Variants in USP15 observed in about 807,000 individuals in gnomAD.
USP15 encodes ubiquitin carboxyl-terminal hydrolase 15.
Under a neutral mutation model 127.1 loss-of-function variants are expected in USP15, and 18 were observed. That is an observed-to-expected ratio of 0.14 (90% confidence interval 0.10 to 0.21). The LOEUF (loss-of-function observed/expected upper bound fraction) is 0.21, where lower values mean the gene tolerates loss of function less well. Among genes scored for constraint, USP15 ranks in the 10% least tolerant of loss-of-function variants. The pLI is 1.00. For synonymous variants in USP15, 364 were observed against 393.7 expected, an observed-to-expected ratio of 0.92 and a Z score of 0.89; for missense variants, 805 against 1,159.9, an observed-to-expected ratio of 0.69 and a Z score of 4.44.
At chr12:62,399,763 ATTG>A (rs2137660654) in intron 20 of USP15, among the ~76,000 whole-genome samples, 1 of 152,300 alleles carries the variant, frequency 6.6e-6, no homozygotes, top group East Asian at 1.9e-4. Flanking sequence ...ACTCAGTAAA[ATTG>A]TTAACCAAAC....
At position 62,411,541 on chromosome 12, in the gene USP15, TTG is replaced by T. The variant is rs2068041360; in HGVS notation, c.*7168_*7169del. 6.6e-6 allele frequency: 1 copy of T among 152,182 alleles called. No individual in the cohort carries two copies. The highest frequency in any genetic ancestry group is 1.5e-5 in the Non-Finnish European group (1 of 68,026). 9.4% of individuals were successfully genotyped at this position (152,182 alleles called of 1,614,324 possible). On this transcript the variant is annotated 3_prime_UTR_variant, in exon 22 of 22. Transcript: ENST00000280377. ...TTGCCTTCAGCTGACATGAATTATGTTGTCTTTTTGTTTTTTGGTCCAGTTTC... is the reference window on the plus strand; with the variant it reads ...TTGCCTTCAGCTGACATGAATTATGTTCTTTTTGTTTTTTGGTCCAGTTTC...
intron 3 of USP15, among the ~76,000 whole-genome samples, chr12:62,311,555 A>C (rs866391124): frequency 6.6e-6 from 1 of 151,776 alleles, no homozygotes; most frequent in Non-Finnish European, 1.5e-5. Flanking sequence ...ATATACAAAA[A>C]TAGATTGATG....
At chr12:62,390,817 T>C (rs1460248427) in intron 14 of USP15, 47 bp from the exon 15 acceptor site, 2 of 1,407,216 alleles carry the variant, frequency 1.4e-6, no homozygotes, top group Non-Finnish European at 2.0e-6. Context: ...TTTAAAAGTT[T>C]TTATCTTTGT....
At chr12:62,265,097 T>C (rs2063161719) in intron 1 of USP15, among the ~76,000 whole-genome samples, 1 of 152,218 alleles carries the variant, frequency 6.6e-6, no homozygotes, top group Non-Finnish European at 1.5e-5. Flanking sequence ...CCAGGGTTAA[T>C]GTACCCTAAT....
chr12:62,393,857 C>G (rs1382560176), intron 19 of USP15: 1 of 152,334 alleles, frequency 6.6e-6, no homozygotes, highest in Non-Finnish European at 1.5e-5. Context: ...GCTGGGATTA[C>G]AGGCATGAGC....
At chr12:62,313,343 A>G (rs2064739202) in intron 3 of USP15, among the ~76,000 whole-genome samples, 1 of 151,616 alleles carries the variant, frequency 6.6e-6, no homozygotes, top group African/African-American at 2.4e-5. Context: ...CTCAATATAA[A>G]TCATAATGGG....
chr12:62,283,984 AGC>A (rs1191967034), intron 1 of USP15, among the ~76,000 whole-genome samples: 2 of 152,186 alleles, frequency 1.3e-5, no homozygotes, highest in African/African-American at 4.8e-5. Flanking sequence ...ATCAACTACA[AGC>A]AGTTATAGAA....
intron 6 of USP15, chr12:62,335,908 G>A (rs1259814816): frequency 1.0e-6 from 1 of 985,200 alleles, no homozygotes; most frequent in African/African-American, 1.7e-5. Context: ...TTATGCCAAG[G>A]ACTTTGCCTC....
At chr12:62,370,757 A>C (rs2066638235) in intron 8 of USP15, among the ~76,000 whole-genome samples, 1 of 152,056 alleles carries the variant, frequency 6.6e-6, no homozygotes, top group South Asian at 2.1e-4. Flanking sequence ...CCTCATCCGT[A>C]ATTCTCTCTT....
chr12:62,402,044 C>G (rs1419753067), intron 21 of USP15, among the ~76,000 whole-genome samples: 2 of 151,302 alleles, frequency 1.3e-5, no homozygotes, highest in Non-Finnish European at 3.0e-5. Flanking sequence ...ATTTAAACTC[C>G]TAATTTTTTT....
chr12:62,292,183 C>T (rs1274025534), intron 1 of USP15, among the ~76,000 whole-genome samples: 3 of 152,106 alleles, frequency 2.0e-5, no homozygotes, highest in African/African-American at 4.8e-5. Flanking sequence ...TGTCTTAGCA[C>T]CCTGGCCTCA....
intron 19 of USP15, among the ~76,000 whole-genome samples, chr12:62,395,990 G>C (rs918668335): frequency 6.6e-6 from 1 of 151,934 alleles, no homozygotes; most frequent in Non-Finnish European, 1.5e-5. Flanking sequence ...TGTGACCATT[G>C]CTGCGACAAA....
intron 1 of USP15, among the ~76,000 whole-genome samples, chr12:62,264,958 G>A (rs2063159538): frequency 6.6e-6 from 1 of 152,076 alleles, no homozygotes; most frequent in African/African-American, 2.4e-5. Context: ...TGGTAAATTG[G>A]TGAAAACAAG....
Position 62,376,172 on chromosome 12 carries a change from T to C in USP15, c.916-5318T>C, listed in dbSNP as rs548515051. Among the ~76,000 whole-genome samples, 13 of 129,708 alleles carry C rather than the reference T, an allele frequency of 1.0e-4. No individual in the cohort carries two copies. The South Asian group carries it at 3.0e-3, about 30-fold the overall frequency. The allele number at this position is 129,708 out of a possible 152,430, so 85.1% of individuals were successfully genotyped here. A position where few individuals can be genotyped will look rare whatever the true frequency, so the allele number is the denominator to read the frequency against. ...AAATTTTCAAATGCTGTTGTCAGTTTTGTGTGCTAATAACTTACATAGGAG... is the reference window on the plus strand; with the variant it reads ...AAATTTTCAAATGCTGTTGTCAGTTCTGTGTGCTAATAACTTACATAGGAG... On this transcript the variant is annotated intron_variant, in intron 8 of 21. Coordinates refer to ENST00000280377, the MANE Select transcript of USP15 (RefSeq NM_001252078.2).
At chr12:62,365,774 T>C (rs958459361) in intron 8 of USP15, among the ~76,000 whole-genome samples, 3 of 152,344 alleles carry the variant, frequency 2.0e-5, no homozygotes, top group Middle Eastern at 3.4e-3. Context: ...TGCATGTGGC[T>C]AGCCAGTTTT....
At chr12:62,388,662 G>A (rs1464425086) in intron 11 of USP15, among the ~76,000 whole-genome samples, 8 of 152,200 alleles carry the variant, frequency 5.3e-5, no homozygotes, top group East Asian at 1.9e-4. Flanking sequence ...TTAAAGGTTC[G>A]TGATAAAGCA....
intron 1 of USP15, among the ~76,000 whole-genome samples, chr12:62,260,729 C>T (rs1042217794): frequency 5.3e-5 from 8 of 152,052 alleles, no homozygotes; most frequent in Non-Finnish European, 4.4e-5. Context: ...ATCCGGGGAG[C>T]GGCGGCGGCG....
At position 62,358,064 on chromosome 12, in the gene USP15, A is replaced by G. The variant is rs568759836; in HGVS notation, c.915+2589A>G. On this transcript the variant is annotated intron_variant, in intron 8 of 21. Coordinates refer to ENST00000280377, the MANE Select transcript of USP15 (RefSeq NM_001252078.2). Reference sequence around the variant, plus strand: ...TTATCAAATATTATCTCTACTGACAATTTGAATTTTAATGTAACCTCTTAA... The same window carrying G: ...TTATCAAATATTATCTCTACTGACAGTTTGAATTTTAATGTAACCTCTTAA... Among the ~76,000 whole-genome samples, 18 of 152,214 alleles carry G rather than the reference A, an allele frequency of 1.2e-4. No homozygotes were observed. In the East Asian group the frequency reaches 2.5e-3, roughly 21 times the overall value.
chr12:62,314,767 T>C (rs772331280), intron 3 of USP15, 23 bp from the exon 4 acceptor site: 4 of 1,522,416 alleles, frequency 2.6e-6, no homozygotes, highest in South Asian at 2.6e-5. Context: ...GTGACACTGA[T>C]TTGTTTTGTT....
Sources: gnomAD v4.1 joint callset for allele counts (sites outside exome capture counted in the v4.1 genomes callset) on GRCh38, gnomAD v4.1.1 for gene constraint, MANE v1.5 for transcripts, NCBI Gene and HGNC (gene_info 2026-07-23, HGNC 2026-07-21) for gene names.